Variants in MEI4 observed in about 807,000 individuals in gnomAD.
MEI4 encodes the protein meiotic double-stranded break formation protein 4, also known as meiosis-specific protein MEI4.
A neutral mutation model predicts 31.4 loss-of-function variants in MEI4; 27 were observed. The observed-to-expected ratio is 0.86, with a 90% CI of 0.63 to 1.19. The LOEUF (loss-of-function observed/expected upper bound fraction) is 1.19. Among genes scored for constraint, MEI4 ranks in the 50% most tolerant of loss-of-function variants. The probability of loss-of-function intolerance (pLI) is 0.00; values close to 1 mark genes in which losing one functional copy is unlikely to be tolerated. For missense variants in MEI4, 329 were observed against 398.9 expected (o/e 0.82, Z 1.49); for synonymous variants, 122 against 145.4 (o/e 0.84, Z 1.16).
intron 4 of MEI4, among the ~76,000 whole-genome samples, chr6:77,853,770 T>C (rs538850466): frequency 1.8e-4 from 28 of 152,276 alleles, no homozygotes; most frequent in Non-Finnish European, 3.8e-4. Context: ...GTTAGAAGAA[T>C]AGGGAATGAG....
intron 4 of MEI4, among the ~76,000 whole-genome samples, chr6:77,857,835 T>C (rs989143450): frequency 5.3e-5 from 8 of 152,190 alleles, no homozygotes; most frequent in Admixed American, 2.0e-4. Flanking sequence ...CAGAATTTCT[T>C]CTATTGAAGC....
intron 3 of MEI4, among the ~76,000 whole-genome samples, chr6:77,784,132 ATG>A (rs1421818429): frequency 1.3e-5 from 2 of 152,130 alleles, no homozygotes; most frequent in African/African-American, 4.8e-5. Flanking sequence ...ATCTCTGGGA[ATG>A]TGAAGTTTCT....
chr6:77,814,783 C>T (rs1027628432), intron 3 of MEI4, among the ~76,000 whole-genome samples: 9 of 152,086 alleles, frequency 5.9e-5, no homozygotes, highest in African/African-American at 2.2e-4. Context: ...CCCCCTCTAT[C>T]CCACTTTTCC....
intron 4 of MEI4, among the ~76,000 whole-genome samples, chr6:77,862,732 T>G (rs1770898544): frequency 6.6e-6 from 1 of 152,144 alleles, no homozygotes; most frequent in African/African-American, 2.4e-5. Context: ...GAGTAGTGGT[T>G]CTCCCAGCAC....
intron 4 of MEI4, among the ~76,000 whole-genome samples, chr6:77,856,443 G>T (rs1003180948): frequency 2.0e-5 from 3 of 152,090 alleles, no homozygotes; most frequent in Non-Finnish European, 4.4e-5. Flanking sequence ...TACATAGAAG[G>T]TTGCCTGAAT....
chr6:77,860,205 C>T (rs576076618), intron 4 of MEI4, among the ~76,000 whole-genome samples: 1 of 152,252 alleles, frequency 6.6e-6, no homozygotes, highest in Admixed American at 6.5e-5. Flanking sequence ...TAGCCTTGTT[C>T]CACTTCTCTC....
chr6:77,776,755 G>C (rs1009712466), intron 3 of MEI4, among the ~76,000 whole-genome samples: 2 of 152,142 alleles, frequency 1.3e-5, no homozygotes, highest in African/African-American at 4.8e-5. Context: ...TACCATTTAA[G>C]GTAGTTGGAA....
chr6:77,685,180 C>T (rs967719372), intron 1 of MEI4, among the ~76,000 whole-genome samples: 1 of 152,102 alleles, frequency 6.6e-6, no homozygotes, highest in Admixed American at 6.6e-5. Context: ...AAATCTTTTG[C>T]CCATGTTTTC....
chr6:77,754,769 G>C (rs1433690370), intron 2 of MEI4, among the ~76,000 whole-genome samples: 1 of 152,140 alleles, frequency 6.6e-6, no homozygotes, highest in Non-Finnish European at 1.5e-5. Context: ...AGGGAAAGCA[G>C]GCACTTCTTA....
intron 3 of MEI4, among the ~76,000 whole-genome samples, chr6:77,796,221 C>T (rs1769070500): frequency 6.6e-6 from 1 of 152,122 alleles, no homozygotes; most frequent in Non-Finnish European, 1.5e-5. Context: ...AAGGAATGCA[C>T]TTCAACATTA....
chr6:77,840,781 T>C (rs549147565), intron 4 of MEI4, among the ~76,000 whole-genome samples: 1 of 152,216 alleles, frequency 6.6e-6, no homozygotes, highest in East Asian at 1.9e-4. Context: ...CAGAGAAAAA[T>C]GGCATATTAT....
intron 3 of MEI4, among the ~76,000 whole-genome samples, chr6:77,763,143 G>A (rs1768081965): frequency 6.6e-6 from 1 of 152,050 alleles, no homozygotes; most frequent in South Asian, 2.1e-4. Flanking sequence ...GAATTGTATG[G>A]AAGGAGGATA....
intron 3 of MEI4, among the ~76,000 whole-genome samples, chr6:77,803,581 T>C (rs1484468944): frequency 6.6e-6 from 1 of 152,164 alleles, no homozygotes; most frequent in Non-Finnish European, 1.5e-5. Flanking sequence ...TTCTGCTCTG[T>C]TTTTTCCCCA....
chr6:77,797,238 TATAAG>T (rs1769103986), intron 3 of MEI4, among the ~76,000 whole-genome samples: 1 of 152,152 alleles, frequency 6.6e-6, no homozygotes, highest in Non-Finnish European at 1.5e-5. Flanking sequence ...ATAAAACTCT[TATAAG>T]AAAGCATAGG....
At chr6:77,881,167 CTG>C (rs1018335742) in intron 4 of MEI4, among the ~76,000 whole-genome samples, 6 of 151,180 alleles carry the variant, frequency 4.0e-5, no homozygotes, top group African/African-American at 1.2e-4. Context: ...CACTGATTCT[CTG>C]TGAATAAACA....
chr6:77,745,388 G>T (rs898714115), intron 2 of MEI4, among the ~76,000 whole-genome samples: 3 of 152,084 alleles, frequency 2.0e-5, no homozygotes, highest in Non-Finnish European at 2.9e-5. Context: ...ATTACATAAT[G>T]GTAAAGGGAT....
chr6:77,922,712 TA>T (rs1766732786), intron 4 of MEI4, among the ~76,000 whole-genome samples: 2 of 151,734 alleles, frequency 1.3e-5, no homozygotes, highest in Non-Finnish European at 1.5e-5. Context: ...GATTGTTTTA[TA>T]TCAAAATAAG....
chr6:77,713,775 T>C (rs1041330024), intron 2 of MEI4, among the ~76,000 whole-genome samples: 7 of 152,242 alleles, frequency 4.6e-5, no homozygotes, highest in Non-Finnish European at 8.8e-5. Flanking sequence ...TTCTCAGTTA[T>C]ATAATTTTCA....
intron 1 of MEI4, among the ~76,000 whole-genome samples, chr6:77,660,858 C>T (rs1046736355): frequency 7.9e-5 from 12 of 152,132 alleles, no homozygotes; most frequent in East Asian, 1.9e-4. Context: ...AAGTAGGGTC[C>T]GGTCCATTGA....
Sources: gnomAD v4.1 joint callset for allele counts (sites outside exome capture counted in the v4.1 genomes callset) on GRCh38, gnomAD v4.1.1 for gene constraint, MANE v1.5 for transcripts, NCBI Gene and HGNC (gene_info 2026-07-23, HGNC 2026-07-21) for gene names.